The following XPNPEP2 variants were observed in gnomAD, a reference collection of about 807,000 sequenced individuals.
XPNPEP2 encodes the protein xaa-Pro aminopeptidase 2.
In XPNPEP2, 64 loss-of-function variants were observed where a neutral mutation model predicts 59.8. The observed-to-expected ratio is 1.07, with a 90% CI of 0.87 to 1.32. XPNPEP2 has a LOEUF of 1.32. Ranked by LOEUF, XPNPEP2 falls within the 40% of genes most tolerant of loss-of-function variation. XPNPEP2 has a pLI of 0.00. For synonymous variants in XPNPEP2, 235 were observed against 210.0 expected (o/e 1.12, Z -1.03); for missense variants, 575 against 546.8 (o/e 1.05, Z -0.51).
chrX:129,757,743 C>T (rs1042658565), intron 14 of XPNPEP2, among the ~76,000 whole-genome samples: 29 of 98,418 alleles, frequency 2.9e-4, no homozygotes, highest in African/African-American at 9.2e-4. Context: ...TGCAGTGAGC[C>T]GAGATCGTGA....
rs139236489 is a variant in XPNPEP2, at chrX:129,752,277, T to C, written c.949T>C (p.Leu317=). 382 of 1,210,131 alleles carry C rather than the reference T, an allele frequency of 3.2e-4. 2 individuals are homozygous for C. The highest frequency in any genetic ancestry group is 3.0e-4 in the South Asian group (17 of 56,854). The change falls in exon 10 of 21, where the codon TTG becomes CTG. Residue 317 remains leucine, a synonymous_variant. Coordinates refer to ENST00000371106, the MANE Select transcript of XPNPEP2 (RefSeq NM_003399.6). ...QVRDSIQAYS[L]GDVRIWIGTS... ...TCGTGACAGCATCCAGGCCTACTCA[T>C]TGGGAGATGTGAGGATCTGGATTGG...
At chrX:129,757,868 A>G in intron 14 of XPNPEP2, among the ~76,000 whole-genome samples, 3 of 70,397 alleles carry the variant, frequency 4.3e-5, no homozygotes, top group African/African-American at 2.5e-4. Context: ...AGAGGGAGAG[A>G]GAGAAAGAGA....
chrX:129,753,266 C>T lies in XPNPEP2; in HGVS notation c.1107+18C>T. On this transcript the variant is annotated intron_variant, in intron 11 of 20. Coordinates refer to ENST00000371106, the MANE Select transcript of XPNPEP2 (RefSeq NM_003399.6). ...CCAGCCACGTAAGTCCACGTTCAGGCAGACATGGCCTTTTGGGAGTATCCA... is the reference window on the plus strand; with the variant it reads ...CCAGCCACGTAAGTCCACGTTCAGGTAGACATGGCCTTTTGGGAGTATCCA... The T allele has an allele frequency of 8.4e-7, 1 of 1,190,559 alleles. No homozygotes were observed. The highest frequency in any genetic ancestry group is 1.1e-6 in the Non-Finnish European group (1 of 876,231).
At chrX:129,758,811 C>G (rs1356489770) in intron 14 of XPNPEP2, among the ~76,000 whole-genome samples, 2 of 111,726 alleles carry the variant, frequency 1.8e-5, no homozygotes, top group Non-Finnish European at 3.8e-5. Context: ...TCAGTTTCCC[C>G]AGCTGTAAAA....
chrX:129,742,256 G>A lies in XPNPEP2; in HGVS notation c.123+75G>A, dbSNP rs865822207. The A allele has an allele frequency of 4.8e-5, 22 of 462,248 alleles. 1 individual carries two copies. The Middle Eastern group carries it at 5.0e-3, about 104-fold the overall frequency. 38.1% of individuals were successfully genotyped at this position (462,248 alleles called of 1,213,427 possible). ...CCCCACCCCTGCCCCACGCACCCCT[G>A]CACCGCAGCACCCCCGCCCTGCTCT... On this transcript the variant is annotated intron_variant, in intron 2 of 20. Coordinates refer to ENST00000371106, the MANE Select transcript of XPNPEP2 (RefSeq NM_003399.6).
chrX:129,761,232 A>G lies in XPNPEP2; in HGVS notation c.1559A>G (p.His520Arg). The G allele has an allele frequency of 8.3e-7, 1 of 1,211,977 alleles. No individual in the cohort carries two copies. Among genetic ancestry groups the G allele is most frequent in the Non-Finnish European group, 1.1e-6 (1 of 895,543 alleles). ...ALWDAGLNYG[H>R]GTGHGIGNFL... ...TGGGATGCTGGTCTCAATTATGGTC[A>G]TGGGACAGGCCACGGCATTGGCAAC... is the stretch of plus-strand genomic sequence containing the variant. The change falls in exon 17 of 21, where the codon CAT (histidine) becomes CGT (arginine). Residue 520 changes from histidine (H) to arginine (R), a missense_variant. Physicochemically the swap from His to Arg is conservative, Grantham distance 29 (BLOSUM62 0). Coordinates refer to ENST00000371106, the MANE Select transcript of XPNPEP2 (RefSeq NM_003399.6).
chrX:129,749,583 T>C (rs1266148690), intron 7 of XPNPEP2, among the ~76,000 whole-genome samples: 4 of 113,435 alleles, frequency 3.5e-5, no homozygotes, highest in Non-Finnish European at 5.6e-5. Context: ...ACCCTTAATG[T>C]TTATGGCCTT....
chrX:129,761,682 G>A (rs188204922), intron 17 of XPNPEP2, among the ~76,000 whole-genome samples: 1 of 112,070 alleles, frequency 8.9e-6, no homozygotes, highest in Admixed American at 9.3e-5. Context: ...TAAGTATCCA[G>A]GTATGGTGGC....
At chrX:129,744,533 C>T (rs1035369524) in intron 3 of XPNPEP2, among the ~76,000 whole-genome samples, 2 of 111,657 alleles carry the variant, frequency 1.8e-5, no homozygotes, top group Non-Finnish European at 3.8e-5. Flanking sequence ...CCCATCCCAC[C>T]GTTTCCCCTC....
Position 129,768,911 on chromosome X carries a change from C to T in XPNPEP2, c.*426C>T, listed in dbSNP as rs1216948998. The T allele has an allele frequency of 8.5e-6, 1 of 117,025 alleles. No individual in the cohort carries two copies. Among genetic ancestry groups the T allele is most frequent in the Non-Finnish European group, 1.8e-5 (1 of 56,744 alleles). 9.6% of individuals were successfully genotyped at this position (117,025 alleles called of 1,213,427 possible). A position where few individuals can be genotyped will look rare whatever the true frequency, so the allele number is the denominator to read the frequency against. On this transcript the variant is annotated 3_prime_UTR_variant, in exon 21 of 21. Coordinates refer to ENST00000371106, the MANE Select transcript of XPNPEP2 (RefSeq NM_003399.6). ...CGGGAGAGCCCAAACCTATCACCAC[C>T]TGTTGGGCATAGCCAGAGCTGTTCC...
intron 3 of XPNPEP2, among the ~76,000 whole-genome samples, chrX:129,744,545 C>T (rs1384427633): frequency 8.9e-6 from 1 of 111,862 alleles, no homozygotes; most frequent in Non-Finnish European, 1.9e-5. Context: ...TTTCCCCTCA[C>T]TAGCTCCACC....
In XPNPEP2 at chrX:129,754,483, T is replaced by G. The variant is rs200950498; in HGVS notation, c.1119T>G (p.Ala373=). Residue 373 remains alanine (A), a synonymous_variant, in exon 12 of 21, where the codon GCT becomes GCG. Transcript: ENST00000371106. ...TTCCCCAACTCCAGGTGCGGGACGC[T>G]GTGGCTGTGATCCGGTACTTGGTCT... ...ALLKASHVRD[A]VAVIRYLVWL... 1 of 1,185,823 alleles carries G rather than the reference T, an allele frequency of 8.4e-7. No homozygotes were observed. Among genetic ancestry groups the G allele is most frequent in the East Asian group, 3.1e-5 (1 of 32,497 alleles).
chrX:129,739,134 C>G lies in XPNPEP2; in HGVS notation c.-80C>G. ...CTGTCTGCTCGAGCCCAGGAAAGGC[C>G]TGAAGGAAGAGGCCGGGGAAAGAGC... On this transcript the variant is annotated 5_prime_UTR_variant, in exon 1 of 21. Coordinates refer to ENST00000371106, the MANE Select transcript of XPNPEP2 (RefSeq NM_003399.6). 1 of 1,073,178 alleles carries G rather than the reference C, an allele frequency of 9.3e-7. No individual in the cohort carries two copies. The highest frequency in any genetic ancestry group is 2.8e-4 in the Middle Eastern group (1 of 3,565). 88.4% of individuals were successfully genotyped at this position (1,073,178 alleles called of 1,213,427 possible). A position where few individuals can be genotyped will look rare whatever the true frequency, so the allele number is the denominator to read the frequency against.
chrX:129,759,079 C>T (rs1602909136), intron 14 of XPNPEP2, 101 bp from the exon 15 acceptor site: 1 of 985,261 alleles, frequency 1.0e-6, no homozygotes, highest in East Asian at 3.1e-5. Flanking sequence ...GCCGTCCACC[C>T]ATCCCATCCC....
In XPNPEP2 at chrX:129,750,461, C is replaced by T. The variant is rs761508976; in HGVS notation, c.638-7C>T. 8.4e-7 allele frequency: 1 copy of T among 1,185,906 alleles called. No individual in the cohort carries two copies. Among genetic ancestry groups the T allele is most frequent in the Non-Finnish European group, 1.1e-6 (1 of 881,750 alleles). On this transcript the variant is annotated splice_region_variant and splice_polypyrimidine_tract_variant and intron_variant, in intron 7 of 20. Transcript: ENST00000371106. Reference sequence around the variant, plus strand: ...CTTACACTTTTTTGGGGCTCCTTTGCTTCTAGGGAGCACTTGGCAGGAGAA... The same window carrying T: ...CTTACACTTTTTTGGGGCTCCTTTGTTTCTAGGGAGCACTTGGCAGGAGAA...
intron 6 of XPNPEP2, 148 bp from the exon 7 acceptor site, chrX:129,747,459 T>G (rs1926318974): frequency 2.3e-4 from 154 of 660,893 alleles, no homozygotes; most frequent in Non-Finnish European, 3.0e-4. Context: ...ATGCCGGGGG[T>G]GGGGGGTGGG....
intron 1 of XPNPEP2, among the ~76,000 whole-genome samples, chrX:129,741,098 G>A (rs1048982057): frequency 9.5e-6 from 1 of 105,382 alleles, no homozygotes; most frequent in Admixed American, 1.0e-4. Context: ...CTTTCCAGAG[G>A]TCCAGAGCCT....
intron 5 of XPNPEP2, 73 bp from the exon 6 acceptor site, chrX:129,746,522 C>G (rs1200757325): frequency 2.8e-6 from 3 of 1,055,553 alleles, no homozygotes; most frequent in South Asian, 1.9e-5. Flanking sequence ...GACCATCAGA[C>G]AGAACCCCTG....
At chrX:129,758,126 C>CAAGG (rs1926589895) in intron 14 of XPNPEP2, among the ~76,000 whole-genome samples, 1 of 110,989 alleles carries the variant, frequency 9.0e-6, no homozygotes, top group African/African-American at 3.3e-5. Flanking sequence ...GATGGAGGAG[C>CAAGG]AAGGAGTCCT....
Sources: allele counts gnomAD v4.1 joint callset (sites outside exome capture counted in the v4.1 genomes callset), GRCh38; gene constraint gnomAD v4.1.1; transcripts MANE v1.5; gene names NCBI Gene and HGNC (gene_info 2026-07-23, HGNC 2026-07-21).